TDP2: variants seen among roughly 807,000 people sequenced by gnomAD.
TDP2 encodes the protein tyrosyl-DNA phosphodiesterase 2, also known as 5'-Tyr-DNA phosphodiesterase.
Under a neutral mutation model 42.8 loss-of-function variants are expected in TDP2, and 38 were observed. The observed-to-expected ratio is 0.89, with a 90% confidence interval of 0.68 to 1.16. The LOEUF is 1.16. Among genes scored for constraint, TDP2 ranks in the 50% most tolerant of loss-of-function variants. TDP2 has a pLI of 0.00. For missense variants in TDP2, 439 were observed against 439.3 expected, an observed-to-expected ratio of 1.00 and a Z score of 0.01; for synonymous variants, 173 against 150.6, an observed-to-expected ratio of 1.15 and a Z score of -1.09.
chr6:24,651,324 T>A (rs1777971367), intron 6 of TDP2, among the ~76,000 whole-genome samples: 1 of 152,170 alleles, frequency 6.6e-6, no homozygotes, highest in South Asian at 2.1e-4. Flanking sequence ...GGGTTTCAGA[T>A]AAAACTTAGA....
intron 2 of TDP2, chr6:24,666,031 C>T (rs1280609943): frequency 1.3e-5 from 19 of 1,475,590 alleles, no homozygotes; most frequent in Non-Finnish European, 1.7e-5. Flanking sequence ...TGTAAGGCAG[C>T]TACACTTTTT....
At chr6:24,663,893 A>G (rs951349133) in intron 2 of TDP2, among the ~76,000 whole-genome samples, 26 of 152,234 alleles carry the variant, frequency 1.7e-4, no homozygotes, top group African/African-American at 6.3e-4. Context: ...AACACCCACA[A>G]TATTTAATAT....
chr6:24,662,710 C>G (rs1778171270), intron 2 of TDP2, among the ~76,000 whole-genome samples: 1 of 152,192 alleles, frequency 6.6e-6, no homozygotes, highest in Non-Finnish European at 1.5e-5. Flanking sequence ...TATACTTTGT[C>G]TCTCCGTCTT....
chr6:24,664,470 T>A (rs367970445), intron 2 of TDP2, among the ~76,000 whole-genome samples: 2 of 152,180 alleles, frequency 1.3e-5, no homozygotes, highest in East Asian at 3.9e-4. Flanking sequence ...TAAGAGGATT[T>A]CCCTTGTCTC....
intron 6 of TDP2, 54 bp downstream of exon 6, chr6:24,652,929 T>C (rs577601258): frequency 6.3e-7 from 1 of 1,591,474 alleles, no homozygotes; most frequent in African/African-American, 1.3e-5. Context: ...GAACCTAAAT[T>C]AGTCTCCATA....
intron 4 of TDP2, among the ~76,000 whole-genome samples, chr6:24,655,071 T>C (rs576157712): frequency 6.6e-6 from 1 of 151,842 alleles, no homozygotes; most frequent in Non-Finnish European, 1.5e-5. Context: ...TGAAAAAAAA[T>C]GTAAACAAGT....
At chr6:24,665,474 C>T (rs1387846026) in intron 2 of TDP2, among the ~76,000 whole-genome samples, 3 of 152,222 alleles carry the variant, frequency 2.0e-5, no homozygotes, top group African/African-American at 7.2e-5. Context: ...TATCTTATCA[C>T]ATCTGTAAGC....
intron 4 of TDP2, among the ~76,000 whole-genome samples, chr6:24,655,398 A>T (rs988119859): frequency 3.9e-5 from 6 of 152,188 alleles, no homozygotes; most frequent in African/African-American, 1.4e-4. Context: ...ATAGACAGGA[A>T]GCAAGCAGAT....
Position 24,658,587 on chromosome 6 carries a change from A to C in TDP2, c.399T>G (p.Ala133=). 2 of 1,613,146 alleles carry C rather than the reference A, an allele frequency of 1.2e-6. No individual in the cohort carries two copies. The change falls in exon 3 of 7, where the codon GCT becomes GCG. Residue 133 remains alanine (A), a synonymous_variant. Transcript: ENST00000378198. ...AAGCTAAGTAGGAACACACCCCTCG[A>C]GCCCTCTCTGACAGATTGTTTAGAT... is the stretch of plus-strand genomic sequence containing the variant. ...GLDLNNLSER[A]RGVCSYLALY... is the part of the protein sequence containing the mutation.
At chr6:24,652,777 G>A (rs966503146) in intron 6 of TDP2, 3 of 545,098 alleles carry the variant, frequency 5.5e-6, no homozygotes, top group South Asian at 2.0e-5. Flanking sequence ...TATTTCTCAT[G>A]CACATTTTTA....
chr6:24,665,766 C>A (rs986962161), intron 2 of TDP2, among the ~76,000 whole-genome samples: 1 of 151,880 alleles, frequency 6.6e-6, no homozygotes, highest in Non-Finnish European at 1.5e-5. Flanking sequence ...TATAAGAGTA[C>A]CTAAAAGGGG....
At chr6:24,658,812 C>T in intron 2 of TDP2, 78 bp from the exon 3 acceptor site, 1 of 1,437,142 alleles carries the variant, frequency 7.0e-7, no homozygotes, top group Non-Finnish European at 9.4e-7. Context: ...TTGTAGCCCT[C>T]ATTTTACAGA....
At position 24,650,498 on chromosome 6, in the gene TDP2, C is replaced by T. The variant is rs1191793027; in HGVS notation, c.*290G>A. The stretch of plus-strand genomic sequence containing the variant: ...AAAAATATAAACATTAGCTCAGAGA[C>T]AATGTGGTACCTGTTTGGAATCCAG... On this transcript the variant is annotated 3_prime_UTR_variant, in exon 7 of 7. Transcript: ENST00000378198. 2.8e-6 allele frequency: 1 copy of T among 357,258 alleles called. No homozygotes were observed. Among genetic ancestry groups the T allele is most frequent in the Non-Finnish European group, 5.1e-6 (1 of 197,346 alleles). 22.1% of individuals were successfully genotyped at this position (357,258 alleles called of 1,614,324 possible).
At chr6:24,657,753 A>C in intron 4 of TDP2, 59 bp downstream of exon 4, 2 of 995,032 alleles carry the variant, frequency 2.0e-6, no homozygotes, top group Non-Finnish European at 3.0e-6. Flanking sequence ...ACTTTGATTT[A>C]TCTCTTTCAC....
chr6:24,664,484 T>C (rs964044543), intron 2 of TDP2, among the ~76,000 whole-genome samples: 4 of 152,036 alleles, frequency 2.6e-5, no homozygotes, highest in Non-Finnish European at 5.9e-5. Context: ...TTGTCTCTCA[T>C]CAGAGACACT....
intron 3 of TDP2, among the ~76,000 whole-genome samples, 160 bp from the exon 4 acceptor site, chr6:24,658,063 G>A (rs1216611421): frequency 1.3e-5 from 2 of 152,222 alleles, no homozygotes; most frequent in African/African-American, 4.8e-5. Context: ...AAATGAGAAA[G>A]ATGTGTGCTA....
At chr6:24,653,186 CACTG>C (rs767202133) in intron 5 of TDP2, 33 bp from the exon 6 acceptor site, 3 of 1,600,254 alleles carry the variant, frequency 1.9e-6, no homozygotes, top group Non-Finnish European at 2.6e-6. Flanking sequence ...TAAAACTGTC[CACTG>C]ACTATTAATA....
intron 5 of TDP2, 80 bp from the exon 6 acceptor site, chr6:24,653,233 C>A: frequency 7.2e-7 from 1 of 1,398,560 alleles, no homozygotes; most frequent in South Asian, 1.2e-5. Flanking sequence ...GCAGATTGTT[C>A]TGTCAAATGG....
Position 24,658,716 on chromosome 6 carries a change from T to C in TDP2, c.270A>G (p.Glu90=), listed in dbSNP as rs746383136. ...EPKTYVDLTN[E]ETTDSTTSKI... is the part of the protein sequence containing the mutation. ...TAGAAGTGGTGGAATCAGTTGTTTCTTCATTGGTTAGGTCAACACTGGCAA... is the reference window on the plus strand; with the variant it reads ...TAGAAGTGGTGGAATCAGTTGTTTCCTCATTGGTTAGGTCAACACTGGCAA... Residue 90 remains glutamate, a synonymous_variant, in exon 3 of 7, where the codon GAA becomes GAG. Transcript: ENST00000378198. 6.2e-7 allele frequency: 1 copy of C among 1,613,776 alleles called. No homozygotes were observed. The highest frequency in any genetic ancestry group is 1.1e-5 in the South Asian group (1 of 91,038).
Sources: gnomAD v4.1 joint callset for allele counts (sites outside exome capture counted in the v4.1 genomes callset) on GRCh38, gnomAD v4.1.1 for gene constraint, MANE v1.5 for transcripts, NCBI Gene and HGNC (gene_info 2026-07-23, HGNC 2026-07-21) for gene names.